Variants in HNF4G observed in about 807,000 individuals in gnomAD.
The protein encoded by HNF4G is hepatocyte nuclear factor 4-gamma.
A neutral mutation model predicts 50.9 loss-of-function variants in HNF4G; 21 were observed. The ratio of observed to expected loss-of-function variants is 0.41; its 90% CI spans 0.29 to 0.59. HNF4G has a LOEUF of 0.59. Ranked by LOEUF, HNF4G falls within the 20% of genes least tolerant of loss-of-function variation. HNF4G has a pLI of 0.26. For synonymous variants in HNF4G, 198 were observed against 185.6 expected (o/e 1.07, Z -0.54); for missense variants, 527 against 559.4 (o/e 0.94, Z 0.58).
intron 1 of HNF4G, among the ~76,000 whole-genome samples, chr8:75,448,444 A>ATAAT (rs113115130): frequency 7.4e-5 from 9 of 121,492 alleles, no homozygotes; most frequent in South Asian, 2.7e-4. Context: ...AAAAAAAAAA[A>ATAAT]GTGTCAGACA....
In HNF4G at chr8:75,554,527, A is replaced by T. The variant is rs1005841566; in HGVS notation, c.645+1330A>T. ...CATCATTTCATTTAATTCTCTCAGG[A>T]GCTCGGTGACAGGTGTTATTATCTC... On this transcript the variant is annotated intron_variant, in intron 5 of 9. Coordinates refer to ENST00000396423, the MANE Select transcript of HNF4G (RefSeq NM_004133.5). Among the ~76,000 whole-genome samples the T allele has an allele frequency of 2.0e-5, 3 of 152,254 alleles. No individual in the cohort carries two copies. The East Asian group carries it at 5.8e-4, about 29-fold the overall frequency.
At chr8:75,476,048 T>C (rs1585877022) in intron 1 of HNF4G, among the ~76,000 whole-genome samples, 1 of 152,268 alleles carries the variant, frequency 6.6e-6, no homozygotes, top group East Asian at 1.9e-4. Context: ...ATCATTCAAA[T>C]AGTGCATATT....
chr8:75,449,076 A>G (rs915274496), intron 1 of HNF4G, among the ~76,000 whole-genome samples: 5 of 152,314 alleles, frequency 3.3e-5, no homozygotes, highest in Admixed American at 3.3e-4. Flanking sequence ...AAGTTGTTTA[A>G]ATAAAATAGA....
At position 75,553,054 on chromosome 8, in the gene HNF4G, A is replaced by T. The variant is rs1291601121; in HGVS notation, c.502A>T (p.Ser168Cys). Residue 168 changes from serine (S) to cysteine (C), a missense_variant, in exon 5 of 10, where the codon AGC (serine) becomes TGC (cysteine). Around this residue, in one of 5 missense-constraint regions of HNF4G, gnomAD observed 128 missense variants for 135.3 expected, o/e 0.95. Coordinates refer to ENST00000396423, the MANE Select transcript of HNF4G (RefSeq NM_004133.5). Reference protein sequence around the residue: ...EVRSRQISVSSPGSSTDINVK... With the variant: ...EVRSRQISVSCPGSSTDINVK... Reference sequence around the variant, plus strand: ...TTCTTAATACTAGATCTCAGTCTCAAGCCCTGGGTCAAGCACTGACATAAA... The same window carrying T: ...TTCTTAATACTAGATCTCAGTCTCATGCCCTGGGTCAAGCACTGACATAAA... The T allele has an allele frequency of 1.2e-6, 2 of 1,609,740 alleles. No homozygotes were observed. The highest frequency in any genetic ancestry group is 1.7e-5 in the Admixed American group (1 of 59,558).
At chr8:75,545,913 C>G (rs533575037) in intron 2 of HNF4G, among the ~76,000 whole-genome samples, 1 of 151,996 alleles carries the variant, frequency 6.6e-6, no homozygotes, top group Non-Finnish European at 1.5e-5. Context: ...TTTTGTCAAT[C>G]TGGTCCTCTC....
At chr8:75,517,471 A>G (rs1277215192) in intron 2 of HNF4G, among the ~76,000 whole-genome samples, 1 of 152,226 alleles carries the variant, frequency 6.6e-6, no homozygotes, top group East Asian at 1.9e-4. Context: ...ATGGGGGTAC[A>G]GGCATTGGGT....
intron 2 of HNF4G, among the ~76,000 whole-genome samples, chr8:75,508,025 AAAAAGAT>A (rs1805640326): frequency 6.6e-6 from 1 of 152,012 alleles, no homozygotes; most frequent in South Asian, 2.1e-4. Context: ...TTTTGAAAAA[AAAAAGAT>A]AAAAGCGAGA....
intron 2 of HNF4G, among the ~76,000 whole-genome samples, chr8:75,502,665 G>T (rs62523460): frequency 2.0e-5 from 3 of 152,134 alleles, no homozygotes; most frequent in African/African-American, 7.2e-5. Flanking sequence ...TATAGAAGAG[G>T]TTGTGGAAAA....
rs539551905 is a variant in HNF4G, at chr8:75,452,023, C to T, written c.-143-38066C>T. Among the ~76,000 whole-genome samples, 4 of 152,240 alleles carry T rather than the reference C, an allele frequency of 2.6e-5. No homozygotes were observed. In the South Asian group the frequency reaches 8.3e-4, roughly 32 times the overall value. On this transcript the variant is annotated intron_variant, in intron 1 of 10. Coordinates refer to the HNF4G transcript ENST00000354370. ...CATTCCATTGGTGGAAACTTAGTTC[C>T]ATGGCTTCACTGAGCTGCAAGCATG...
chr8:75,454,176 G>A (rs959660930), intron 1 of HNF4G, among the ~76,000 whole-genome samples: 1 of 150,926 alleles, frequency 6.6e-6, no homozygotes, highest in African/African-American at 2.4e-5. Context: ...CAGCAAGAAG[G>A]CAACTATCAG....
chr8:75,506,662 T>C (rs772150481), intron 2 of HNF4G, among the ~76,000 whole-genome samples: 2 of 152,192 alleles, frequency 1.3e-5, no homozygotes, highest in Non-Finnish European at 2.9e-5. Flanking sequence ...TAACATTTAA[T>C]TACAGTTCTT....
intron 1 of HNF4G, among the ~76,000 whole-genome samples, chr8:75,452,692 C>T (rs1811615347): frequency 6.6e-6 from 1 of 151,334 alleles, no homozygotes; most frequent in Admixed American, 6.6e-5. Context: ...GCACTCCAGC[C>T]TGGGCAACAG....
chr8:75,467,497 TA>T (rs979934966), intron 1 of HNF4G, among the ~76,000 whole-genome samples: 4 of 152,050 alleles, frequency 2.6e-5, no homozygotes, highest in African/African-American at 9.7e-5. Flanking sequence ...CTGTCTCTAC[TA>T]AAATACAAAA....
intron 1 of HNF4G, among the ~76,000 whole-genome samples, chr8:75,454,512 T>C (rs2130588824): frequency 6.6e-6 from 1 of 152,274 alleles, no homozygotes; most frequent in Non-Finnish European, 1.5e-5. Context: ...TTCTATGTCA[T>C]CTCCAACTGT....
At chr8:75,485,927 G>A (rs548964587) in intron 1 of HNF4G, 14 of 152,202 alleles carry the variant, frequency 9.2e-5, no homozygotes, top group Non-Finnish European at 1.6e-4. Context: ...GCATTTGGTA[G>A]TCTTTGGAGT....
intron 1 of HNF4G, among the ~76,000 whole-genome samples, chr8:75,541,854 T>C (rs1017230291): frequency 2.0e-5 from 3 of 152,124 alleles, no homozygotes; most frequent in Non-Finnish European, 4.4e-5. Context: ...CTGGGCATAA[T>C]CCTAAAAGCT....
chr8:75,413,718 A>G (rs188935181), intron 1 of HNF4G, among the ~76,000 whole-genome samples: 4 of 152,114 alleles, frequency 2.6e-5, no homozygotes, highest in African/African-American at 7.2e-5. Flanking sequence ...GAGCATGGGC[A>G]TGGTGGCGGG....
intron 1 of HNF4G, among the ~76,000 whole-genome samples, chr8:75,435,686 C>T (rs1235675164): frequency 2.0e-5 from 3 of 152,138 alleles, no homozygotes; most frequent in African/African-American, 7.2e-5. Context: ...TTCTGCCTCC[C>T]GGATTCAAGC....
At position 75,423,815 on chromosome 8, in the gene HNF4G, C is replaced by CTTTT. The variant is rs548125507; in HGVS notation, c.-144+15677_-144+15680dup. Among the ~76,000 whole-genome samples the CTTTT allele has an allele frequency of 2.1e-3, 150 of 71,226 alleles. 9 individuals carry two copies. The highest frequency in any genetic ancestry group is 5.2e-3 in the East Asian group (10 of 1,906). The allele number at this position is 71,226 out of a possible 152,430, so 46.7% of individuals were successfully genotyped here. ...TTGAAACTTTCTGCCAAGTTTCTTT[C>CTTTT]TTTTTTTTTTTTTTTTTTTTTTTTT... On this transcript the variant is annotated intron_variant, in intron 1 of 10. Coordinates refer to the HNF4G transcript ENST00000354370.
Sources: gnomAD v4.1 joint callset for allele counts (sites outside exome capture counted in the v4.1 genomes callset) on GRCh38, gnomAD v4.1.1 for gene constraint, gnomAD v4.1.1 regional missense constraint, MANE v1.5 for transcripts, NCBI Gene and HGNC (gene_info 2026-07-23, HGNC 2026-07-21) for gene names.